CSMD3: variants seen among roughly 807,000 people sequenced by gnomAD.
The protein encoded by CSMD3 is CUB and Sushi multiple domains 3, also known as CUB and sushi domain-containing protein 3.
In CSMD3, 177 loss-of-function variants were observed where a neutral mutation model predicts 435.2. That is an observed-to-expected ratio of 0.41 (90% confidence interval 0.36 to 0.46). The LOEUF (loss-of-function observed/expected upper bound fraction) is 0.46. Ranked by LOEUF, CSMD3 falls within the 20% of genes least tolerant of loss-of-function variation. CSMD3 has a pLI of 0.34. For synonymous variants in CSMD3, 1,656 were observed against 1,520.5 expected, an observed-to-expected ratio of 1.09 and a Z score of -2.07; for missense variants, 4,265 against 4,504.6, an observed-to-expected ratio of 0.95 and a Z score of 1.52.
At chr8:113,339,300 A>C (rs1287641772) in intron 1 of CSMD3, among the ~76,000 whole-genome samples, 1 of 151,974 alleles carries the variant, frequency 6.6e-6, no homozygotes, top group Non-Finnish European at 1.5e-5. Context: ...GAGTTAGAAA[A>C]TACAAATTTA....
At chr8:112,313,730 G>A (rs1384991558) in intron 49 of CSMD3, among the ~76,000 whole-genome samples, 176 bp downstream of exon 49, 1 of 151,976 alleles carries the variant, frequency 6.6e-6, no homozygotes, top group Non-Finnish European at 1.5e-5. Flanking sequence ...TATGAGGGAT[G>A]TAGAATTATT....
chr8:112,912,554 G>A (rs1416994910), intron 10 of CSMD3, among the ~76,000 whole-genome samples: 2 of 151,706 alleles, frequency 1.3e-5, no homozygotes, highest in African/African-American at 2.4e-5. Context: ...TCTCATACAG[G>A]AATGAATTTC....
At chr8:113,399,850 G>C (rs61249889) in intron 1 of CSMD3, among the ~76,000 whole-genome samples, 1 of 151,360 alleles carries the variant, frequency 6.6e-6, no homozygotes, top group Non-Finnish European at 1.5e-5. Context: ...TTAAAATTAA[G>C]GATTCATATT....
chr8:112,342,111 A>G (rs1296316729), intron 41 of CSMD3, among the ~76,000 whole-genome samples: 1 of 152,136 alleles, frequency 6.6e-6, no homozygotes, highest in Non-Finnish European at 1.5e-5. Flanking sequence ...TGTAACATAG[A>G]TTCCACAATT....
chr8:112,379,230 G>T (rs1266801432), intron 38 of CSMD3, among the ~76,000 whole-genome samples: 4 of 152,218 alleles, frequency 2.6e-5, no homozygotes, highest in African/African-American at 9.6e-5. Context: ...AAAACTTTGG[G>T]AAGTCAAGGT....
chr8:113,031,189 G>A (rs900205283), intron 5 of CSMD3, among the ~76,000 whole-genome samples: 1 of 151,572 alleles, frequency 6.6e-6, no homozygotes, highest in African/African-American at 2.4e-5. Context: ...ACAAAAACCT[G>A]TACATGAATC....
At chr8:113,260,928 T>C (rs1048127074) in intron 3 of CSMD3, among the ~76,000 whole-genome samples, 1 of 152,212 alleles carries the variant, frequency 6.6e-6, no homozygotes, top group African/African-American at 2.4e-5. Context: ...GGTTGCATAG[T>C]ATTCCATGGT....
intron 5 of CSMD3, among the ~76,000 whole-genome samples, chr8:113,042,095 T>A (rs1341362186): frequency 1.3e-5 from 2 of 152,234 alleles, no homozygotes; most frequent in Admixed American, 1.3e-4. Flanking sequence ...TTTGTATTTC[T>A]ACATTCATGT....
intron 3 of CSMD3, among the ~76,000 whole-genome samples, chr8:113,260,688 A>T (rs1588393721): frequency 6.6e-6 from 1 of 152,154 alleles, no homozygotes; most frequent in African/African-American, 2.4e-5. Flanking sequence ...TCCATGTGCC[A>T]TGGTAGTTTG....
chr8:112,257,381 C>T (rs576723678), intron 61 of CSMD3, among the ~76,000 whole-genome samples: 4 of 152,148 alleles, frequency 2.6e-5, no homozygotes, highest in African/African-American at 9.6e-5. Context: ...TTTAGAAAAC[C>T]CCACCATCTC....
chr8:112,528,120 G>A lies in CSMD3; in HGVS notation c.4565-10895C>T, dbSNP rs201340936. ...CTAATACACTGTATGCAAGTTGCAAGTTCATCACCACTTTTTAAAAAAATT... is the reference window on the plus strand; with the variant it reads ...CTAATACACTGTATGCAAGTTGCAAATTCATCACCACTTTTTAAAAAAATT... On this transcript the variant is annotated intron_variant, in intron 27 of 70. Transcript: ENST00000297405. Among the ~76,000 whole-genome samples the A allele has an allele frequency of 3.3e-5, 5 of 152,210 alleles. No individual in the cohort carries two copies. The East Asian group carries it at 9.7e-4, about 29-fold the overall frequency.
chr8:113,429,066 T>C (rs1473031810), intron 1 of CSMD3, among the ~76,000 whole-genome samples: 3 of 151,924 alleles, frequency 2.0e-5, no homozygotes, highest in African/African-American at 4.8e-5. Context: ...TTTCTGAACA[T>C]TTCAACTCCT....
At chr8:113,387,300 T>A (rs1267349002) in intron 1 of CSMD3, among the ~76,000 whole-genome samples, 1 of 151,732 alleles carries the variant, frequency 6.6e-6, no homozygotes, top group East Asian at 1.9e-4. Flanking sequence ...TCTGTAAAAC[T>A]TTTTGTAAAC....
chr8:112,382,426 A>ATCAC (rs1229262558), intron 37 of CSMD3, among the ~76,000 whole-genome samples: 1 of 152,134 alleles, frequency 6.6e-6, no homozygotes, highest in Non-Finnish European at 1.5e-5. Flanking sequence ...TTTAAATCAA[A>ATCAC]TCACTCTTGC....
chr8:112,692,261 TA>T (rs924584725), intron 13 of CSMD3, among the ~76,000 whole-genome samples: 1 of 152,124 alleles, frequency 6.6e-6, no homozygotes, highest in Non-Finnish European at 1.5e-5. Context: ...TCTTATTTAT[TA>T]AAAAATAAAA....
intron 35 of CSMD3, among the ~76,000 whole-genome samples, chr8:112,392,863 T>C (rs1261784174): frequency 7.6e-6 from 1 of 131,858 alleles, no homozygotes; most frequent in Non-Finnish European, 1.5e-5. Context: ...TTCTTTTTTT[T>C]CTTTTTTTTT....
chr8:112,508,154 T>A (rs1266781414), intron 28 of CSMD3, among the ~76,000 whole-genome samples: 1 of 152,184 alleles, frequency 6.6e-6, no homozygotes, highest in Non-Finnish European at 1.5e-5. Context: ...TTTGTCTCCC[T>A]TACTTTTCCT....
At chr8:112,506,043 G>C (rs142678048) in intron 29 of CSMD3, among the ~76,000 whole-genome samples, 381 of 152,176 alleles carry the variant, frequency 2.5e-3, no homozygotes, top group African/African-American at 8.8e-3. Flanking sequence ...GATAGTAATA[G>C]TACTTAGCTT....
intron 13 of CSMD3, among the ~76,000 whole-genome samples, chr8:112,799,904 T>C (rs1343868914): frequency 6.6e-6 from 1 of 151,854 alleles, no homozygotes; most frequent in Non-Finnish European, 1.5e-5. Flanking sequence ...TCTACAGTGA[T>C]TGAAACACAA....
Sources: gnomAD v4.1 joint callset for allele counts (sites outside exome capture counted in the v4.1 genomes callset) on GRCh38, gnomAD v4.1.1 for gene constraint, MANE v1.5 for transcripts, NCBI Gene and HGNC (gene_info 2026-07-23, HGNC 2026-07-21) for gene names.